The following RBFOX1 variants were observed in gnomAD, a reference collection of about 807,000 sequenced individuals.
RBFOX1 encodes RNA binding fox-1 homolog 1, also known as RNA binding protein fox-1 homolog 1.
In RBFOX1, 8 loss-of-function variants were observed where a neutral mutation model predicts 57.7. The observed-to-expected ratio is 0.14, with a 90% confidence interval of 0.08 to 0.25. RBFOX1 has a LOEUF of 0.25. Among genes scored for constraint, RBFOX1 ranks in the 10% least tolerant of loss-of-function variants. RBFOX1 has a pLI of 1.00. For synonymous variants in RBFOX1, 326 were observed against 222.4 expected, an observed-to-expected ratio of 1.47 and a Z score of -4.15; for missense variants, 611 against 548.5, an observed-to-expected ratio of 1.11 and a Z score of -1.14.
At chr16:7,111,325 C>T (rs1727617249) in intron 4 of RBFOX1, among the ~76,000 whole-genome samples, 2 of 152,190 alleles carry the variant, frequency 1.3e-5, no homozygotes, top group Admixed American at 1.3e-4. Context: ...TCTATGGGAA[C>T]CCGACTTTGC....
chr16:6,355,329 C>T (rs1052751533), intron 2 of RBFOX1, among the ~76,000 whole-genome samples: 1 of 152,042 alleles, frequency 6.6e-6, no homozygotes. Flanking sequence ...GTTCCCCTCC[C>T]TATATCCATG....
At chr16:7,656,824 C>T (rs1177349820) in intron 12 of RBFOX1, among the ~76,000 whole-genome samples, 1 of 152,128 alleles carries the variant, frequency 6.6e-6, no homozygotes, top group African/African-American at 2.4e-5. Context: ...ATTGTGTGAA[C>T]ACTAGGGAAA....
chr16:6,609,145 C>T (rs1323180438), intron 2 of RBFOX1, among the ~76,000 whole-genome samples: 3 of 152,130 alleles, frequency 2.0e-5, no homozygotes, highest in Non-Finnish European at 4.4e-5. Context: ...TTTACCATGT[C>T]ATATGATACA....
At chr16:7,388,830 G>C (rs369188642) in intron 4 of RBFOX1, among the ~76,000 whole-genome samples, 1 of 152,112 alleles carries the variant, frequency 6.6e-6, no homozygotes, top group Non-Finnish European at 1.5e-5. Context: ...TTAAGGTAGA[G>C]AAGACAAAGC....
intron 2 of RBFOX1, among the ~76,000 whole-genome samples, chr16:6,435,177 C>G (rs1034527437): frequency 6.6e-6 from 1 of 152,202 alleles, no homozygotes; most frequent in African/African-American, 2.4e-5. Context: ...CATGTTACCA[C>G]TGAAGGATCA....
intron 4 of RBFOX1, among the ~76,000 whole-genome samples, chr16:7,058,081 A>G (rs1198601100): frequency 1.3e-5 from 2 of 151,956 alleles, no homozygotes; most frequent in African/African-American, 4.8e-5. Context: ...TATCAGCTGA[A>G]CAAAGGATCC....
chr16:7,010,417 T>A (rs958488737), intron 3 of RBFOX1, among the ~76,000 whole-genome samples: 2 of 152,154 alleles, frequency 1.3e-5, no homozygotes, highest in Non-Finnish European at 2.9e-5. Flanking sequence ...TTATATGCAT[T>A]GGCCAGTGAG....
chr16:7,210,041 G>A (rs541366143), intron 4 of RBFOX1, among the ~76,000 whole-genome samples: 32 of 152,274 alleles, frequency 2.1e-4, no homozygotes, highest in African/African-American at 3.1e-4. Flanking sequence ...GGATAGCGAC[G>A]CTCAGTGCAG....
At chr16:5,773,595 C>T (rs115823460) in intron 3 of RBFOX1, among the ~76,000 whole-genome samples, 2 of 152,212 alleles carry the variant, frequency 1.3e-5, no homozygotes, top group Admixed American at 1.3e-4. Context: ...AACAGTGTAA[C>T]AGTGAACATT....
At chr16:7,111,213 G>A (rs1275248729) in intron 4 of RBFOX1, among the ~76,000 whole-genome samples, 1 of 152,196 alleles carries the variant, frequency 6.6e-6, no homozygotes, top group Non-Finnish European at 1.5e-5. Flanking sequence ...AGTGTGATCA[G>A]ATGGGCCTTT....
intron 2 of RBFOX1, among the ~76,000 whole-genome samples, chr16:6,327,696 T>G (rs1438661938): frequency 1.3e-5 from 2 of 152,156 alleles, no homozygotes; most frequent in Non-Finnish European, 2.9e-5. Flanking sequence ...GACATGATAA[T>G]GTCCAAGAAA....
rs149733508 is a variant in RBFOX1, at chr16:7,168,092, A to G, written c.27+115994A>G. Among the ~76,000 whole-genome samples the G allele has an allele frequency of 2.6e-3, 403 of 152,330 alleles. 4 individuals are homozygous for G. The highest frequency in any genetic ancestry group is 9.3e-3 in the African/African-American group (385 of 41,574). On this transcript the variant is annotated intron_variant, in intron 4 of 15. Transcript: ENST00000550418. ...TCCAGAATAGTTGACAGCATTAGCT[A>G]CATTTAAAAGATTCAAGGAAGCAAA...
At chr16:5,619,271 C>G (rs888018467) in intron 3 of RBFOX1, among the ~76,000 whole-genome samples, 2 of 152,144 alleles carry the variant, frequency 1.3e-5, no homozygotes, top group Non-Finnish European at 2.9e-5. Context: ...GCTCCAGCCA[C>G]CTTGGCTGCA....
intron 3 of RBFOX1, among the ~76,000 whole-genome samples, chr16:5,833,398 G>A (rs936236347): frequency 2.6e-5 from 4 of 151,684 alleles, no homozygotes; most frequent in African/African-American, 9.7e-5. Flanking sequence ...AGGAGGCTGA[G>A]GCAGGAGAAT....
chr16:6,540,271 C>T (rs946344656), intron 2 of RBFOX1, among the ~76,000 whole-genome samples: 2 of 151,006 alleles, frequency 1.3e-5, no homozygotes, highest in African/African-American at 4.9e-5. Context: ...CTCAATTGTT[C>T]TTTATTCGTA....
chr16:5,766,510 G>A (rs1047170934), intron 3 of RBFOX1, among the ~76,000 whole-genome samples: 20 of 152,060 alleles, frequency 1.3e-4, no homozygotes, highest in African/African-American at 2.9e-4. Context: ...GCTTGAATCC[G>A]GGAGGCAGAG....
chr16:6,900,794 C>G (rs970041305), intron 3 of RBFOX1, among the ~76,000 whole-genome samples: 5 of 152,198 alleles, frequency 3.3e-5, no homozygotes, highest in African/African-American at 1.2e-4. Flanking sequence ...TCACAGCACA[C>G]AATGCCATTC....
At chr16:6,708,757 G>C (rs1159821241) in intron 3 of RBFOX1, among the ~76,000 whole-genome samples, 2 of 152,106 alleles carry the variant, frequency 1.3e-5, no homozygotes, top group African/African-American at 2.4e-5. Context: ...GCGTCCCTTC[G>C]ACTGGCTGTG....
At chr16:6,298,407 T>A (rs1396961744) in intron 1 of RBFOX1, among the ~76,000 whole-genome samples, 1 of 152,212 alleles carries the variant, frequency 6.6e-6, no homozygotes, top group African/African-American at 2.4e-5. Context: ...TGTTATGCAC[T>A]TCATGTACAC....
Sources: allele counts gnomAD v4.1 joint callset (sites outside exome capture counted in the v4.1 genomes callset), GRCh38; gene constraint gnomAD v4.1.1; transcripts MANE v1.5; gene names NCBI Gene and HGNC (gene_info 2026-07-23, HGNC 2026-07-21).